The following MEOX1 variants were observed in gnomAD, a reference collection of about 807,000 sequenced individuals.
MEOX1 encodes mesenchyme homeobox 1, also known as homeobox protein MOX-1.
Under a neutral mutation model 23.2 loss-of-function variants are expected in MEOX1, and 17 were observed. The observed-to-expected ratio is 0.73, with a 90% CI of 0.50 to 1.10. The LOEUF is 1.10. MEOX1 is among the 50% of genes least tolerant of loss of function. MEOX1 has a pLI of 0.00. For synonymous variants in MEOX1, 134 were observed against 135.1 expected (o/e 0.99, Z 0.06); for missense variants, 333 against 332.2 (o/e 1.00, Z -0.02).
At chr17:43,644,847 C>T (rs577659888) in intron 1 of MEOX1, among the ~76,000 whole-genome samples, 20 of 152,124 alleles carry the variant, frequency 1.3e-4, no homozygotes, top group African/African-American at 4.6e-4. Context: ...ACCCAGGAGG[C>T]GGAGGCTACA....
intron 1 of MEOX1, among the ~76,000 whole-genome samples, chr17:43,650,076 G>A (rs1177157923): frequency 6.6e-6 from 1 of 152,202 alleles, no homozygotes; most frequent in Non-Finnish European, 1.5e-5. Context: ...GAGGGCACCA[G>A]TTTACATAAA....
At chr17:43,645,885 T>C (rs931745863) in intron 1 of MEOX1, among the ~76,000 whole-genome samples, 3 of 152,228 alleles carry the variant, frequency 2.0e-5, no homozygotes, top group African/African-American at 7.2e-5. Context: ...TGCCTTGGGC[T>C]GGGCGACTCT....
chr17:43,645,172 T>A (rs1043843881), intron 1 of MEOX1, among the ~76,000 whole-genome samples: 10,032 of 79,836 alleles, frequency 0.13, 930 homozygotes, highest in African/African-American at 0.36. Flanking sequence ...ATTAATTATC[T>A]TTTTTTTTTT....
intron 1 of MEOX1, among the ~76,000 whole-genome samples, chr17:43,658,393 G>GAGGGGGCGTGCGC (rs1161660992): frequency 6.6e-6 from 1 of 151,884 alleles, no homozygotes; most frequent in African/African-American, 2.4e-5. Context: ...TATAATCCCA[G>GAGGGGGCGTGCGC]CTACTCAGGA....
intron 1 of MEOX1, among the ~76,000 whole-genome samples, chr17:43,656,499 T>C (rs560259490): frequency 1.3e-5 from 2 of 152,108 alleles, no homozygotes; most frequent in South Asian, 2.1e-4. Context: ...AAATTTGTGG[T>C]TGGGCGGAGG....
In MEOX1 at chr17:43,642,033, C is replaced by T. The variant is rs775821428; in HGVS notation, c.643-1G>A. On this transcript the variant is annotated splice_acceptor_variant, in intron 2 of 2. Transcript: ENST00000318579. LOFTEE classifies it high-confidence loss of function. ...TTCGGTTCTGGAACCACACTTTGACCTGGGGGAGGAAGCAAAGGAGCCTGG... is the reference window on the plus strand; with the variant it reads ...TTCGGTTCTGGAACCACACTTTGACTTGGGGGAGGAAGCAAAGGAGCCTGG... 1.2e-6 allele frequency: 2 copies of T among 1,612,510 alleles called. No individual in the cohort carries two copies. Among genetic ancestry groups the T allele is most frequent in the African/African-American group, 1.3e-5 (1 of 75,004 alleles).
Position 43,643,503 on chromosome 17 carries a change from G to A in MEOX1, c.627C>T (p.Asp209=), listed in dbSNP as rs1176066338. ...LRRYEIAVNL[D]LSERQVKVWF... is the part of the protein sequence containing the mutation. ...GGGGGCGCACCTGGCGCTCAGAGAGGTCCAGGTTTACCGCAATCTCATATC... is the reference window on the plus strand; with the variant it reads ...GGGGGCGCACCTGGCGCTCAGAGAGATCCAGGTTTACCGCAATCTCATATC... The change falls in exon 2 of 3, where the codon GAC becomes GAT. Residue 209 remains aspartate, a synonymous_variant. Coordinates refer to ENST00000318579, the MANE Select transcript of MEOX1 (RefSeq NM_004527.4). 1.3e-6 allele frequency: 2 copies of A among 1,596,036 alleles called. No homozygotes were observed. The highest frequency in any genetic ancestry group is 3.5e-5 in the Admixed American group (2 of 56,978).
intron 2 of MEOX1, among the ~76,000 whole-genome samples, chr17:43,642,490 T>C (rs535427192): frequency 6.6e-6 from 1 of 152,322 alleles, no homozygotes; most frequent in South Asian, 2.1e-4. Flanking sequence ...ATTTTACAGA[T>C]GGAGACCCAG....
intron 1 of MEOX1, among the ~76,000 whole-genome samples, chr17:43,660,796 G>A (rs985043787): frequency 1.1e-4 from 16 of 152,106 alleles, no homozygotes; most frequent in African/African-American, 2.9e-4. Context: ...TCCATTTCAC[G>A]TGTCCTCCAA....
chr17:43,642,638 T>C (rs1383954915), intron 2 of MEOX1, among the ~76,000 whole-genome samples: 1 of 151,880 alleles, frequency 6.6e-6, no homozygotes, highest in Non-Finnish European at 1.5e-5. Flanking sequence ...TATTATTCCG[T>C]ATCAGAGCAT....
At chr17:43,643,047 G>A (rs566511703) in intron 2 of MEOX1, among the ~76,000 whole-genome samples, 54 of 152,238 alleles carry the variant, frequency 3.5e-4, no homozygotes, top group African/African-American at 1.2e-3. Flanking sequence ...AGTGGCTCAC[G>A]CCTGTAATCC....
chr17:43,659,472 A>T (rs1046795124), intron 1 of MEOX1, among the ~76,000 whole-genome samples: 12 of 152,092 alleles, frequency 7.9e-5, no homozygotes, highest in Non-Finnish European at 1.3e-4. Context: ...CATCATTTCA[A>T]AATGAGGACT....
chr17:43,645,442 G>A (rs538673319), intron 1 of MEOX1, among the ~76,000 whole-genome samples: 2 of 152,164 alleles, frequency 1.3e-5, no homozygotes, highest in Non-Finnish European at 2.9e-5. Context: ...CTCCCAAAGT[G>A]CTGGGATTAC....
chr17:43,648,453 A>G (rs1972850463), intron 1 of MEOX1, among the ~76,000 whole-genome samples: 1 of 148,378 alleles, frequency 6.7e-6, no homozygotes, highest in Non-Finnish European at 1.5e-5. Context: ...GGCAACAGAG[A>G]AAGACTCTGT....
chr17:43,656,769 TC>T lies in MEOX1; in HGVS notation c.469+4296del, dbSNP rs553063046. Among the ~76,000 whole-genome samples, 22 of 152,200 alleles carry T rather than the reference TC, an allele frequency of 1.4e-4. No homozygotes were observed. In the East Asian group the frequency reaches 4.1e-3, roughly 28 times the overall value. On this transcript the variant is annotated intron_variant, in intron 1 of 2. Transcript: ENST00000318579. ...CATGAGGAAACCACCGCAAAATCCT[TC>T]ATTCCCATAAATTAAAGACAACCAC...
intron 1 of MEOX1, among the ~76,000 whole-genome samples, chr17:43,660,822 G>A (rs1248546624): frequency 6.6e-6 from 1 of 152,126 alleles, no homozygotes; most frequent in Non-Finnish European, 1.5e-5. Context: ...GGCTGATCCT[G>A]TTTCATTCTC....
chr17:43,660,998 A>AGCCTAGTTACT, intron 1 of MEOX1, 68 bp downstream of exon 1: 1 of 1,033,732 alleles, frequency 9.7e-7, no homozygotes, highest in Non-Finnish European at 1.4e-6. Flanking sequence ...ACCTAGGCAC[A>AGCCTAGTTACT]GAGAGGGTGA....
intron 2 of MEOX1, 100 bp from the exon 3 acceptor site, chr17:43,642,132 A>C: frequency 3.0e-6 from 4 of 1,321,680 alleles, no homozygotes; most frequent in Non-Finnish European, 4.2e-6. Context: ...CAGGGACCCC[A>C]GCTTGAAACC....
At chr17:43,648,020 A>C (rs1260806328) in intron 1 of MEOX1, among the ~76,000 whole-genome samples, 1 of 152,232 alleles carries the variant, frequency 6.6e-6, no homozygotes, top group East Asian at 1.9e-4. Flanking sequence ...TGAAAGTTGA[A>C]GTGGAAGTTA....
Sources: gnomAD v4.1 joint callset for allele counts (sites outside exome capture counted in the v4.1 genomes callset) on GRCh38, gnomAD v4.1.1 for gene constraint, MANE v1.5 for transcripts, NCBI Gene and HGNC (gene_info 2026-07-23, HGNC 2026-07-21) for gene names.